The following NKAIN3 variants were observed in gnomAD, a reference collection of about 807,000 sequenced individuals.
NKAIN3 encodes sodium/potassium-transporting ATPase subunit beta-1-interacting protein 3.
Under a neutral mutation model 30.2 loss-of-function variants are expected in NKAIN3, and 25 were observed. The ratio of observed to expected loss-of-function variants is 0.83; its 90% CI spans 0.60 to 1.16. NKAIN3 has a LOEUF of 1.16. NKAIN3 is among the 50% of genes most tolerant of loss of function. NKAIN3 has a pLI of 0.00. For synonymous variants in NKAIN3, 91 were observed against 89.6 expected (o/e 1.02, Z -0.09); for missense variants, 225 against 254.1 (o/e 0.89, Z 0.78).
At chr8:62,751,832 G>GTGTGTT (rs1289460518) in intron 4 of NKAIN3, among the ~76,000 whole-genome samples, 1 of 151,900 alleles carries the variant, frequency 6.6e-6, no homozygotes, top group Non-Finnish European at 1.5e-5. Flanking sequence ...GTGTGTGTGT[G>GTGTGTT]TGTGTGTGTA....
At chr8:62,787,141 C>T (rs1189896967) in intron 4 of NKAIN3, among the ~76,000 whole-genome samples, 1 of 152,120 alleles carries the variant, frequency 6.6e-6, no homozygotes, top group Non-Finnish European at 1.5e-5. Context: ...TTCATTGTGG[C>T]TTGAGGGAAA....
intron 3 of NKAIN3, among the ~76,000 whole-genome samples, chr8:62,729,024 C>CAAAAAA (rs71501600): frequency 6.1e-5 from 1 of 16,450 alleles, no homozygotes; most frequent in African/African-American, 2.1e-4. Context: ...ACAAACAAAC[C>CAAAAAA]AAAAAAAAAA....
intron 1 of NKAIN3, among the ~76,000 whole-genome samples, chr8:62,532,252 C>A (rs759834478): frequency 1.2e-4 from 19 of 152,078 alleles, no homozygotes; most frequent in Non-Finnish European, 8.8e-5. Flanking sequence ...CAAGGACAGC[C>A]TCATGGTACC....
chr8:62,536,984 G>A (rs1425062631), intron 1 of NKAIN3, among the ~76,000 whole-genome samples: 1 of 152,074 alleles, frequency 6.6e-6, no homozygotes, highest in East Asian at 1.9e-4. Flanking sequence ...GAAACTCAGG[G>A]AGCAGGGACA....
chr8:62,296,800 A>G (rs1813845210), intron 1 of NKAIN3, among the ~76,000 whole-genome samples: 1 of 152,128 alleles, frequency 6.6e-6, no homozygotes, highest in Admixed American at 6.6e-5. Flanking sequence ...CCATGCAGCC[A>G]GTTTCTTCTT....
At chr8:62,800,396 G>A (rs1160752298) in intron 4 of NKAIN3, among the ~76,000 whole-genome samples, 1 of 152,106 alleles carries the variant, frequency 6.6e-6, no homozygotes, top group African/African-American at 2.4e-5. Flanking sequence ...TAAGACCAAA[G>A]ACCAAGTCTA....
chr8:62,984,063 T>G lies in NKAIN3; in HGVS notation c.*18656T>G, dbSNP rs1050581104. The G allele has an allele frequency of 1.3e-5, 2 of 152,078 alleles. No homozygotes were observed. Among genetic ancestry groups the G allele is most frequent in the African/African-American group, 4.8e-5 (2 of 41,406 alleles). The allele number at this position is 152,078 out of a possible 1,614,324, so 9.4% of individuals were successfully genotyped here. A position where few individuals can be genotyped will look rare whatever the true frequency, so the allele number is the denominator to read the frequency against. On this transcript the variant is annotated 3_prime_UTR_variant, in exon 7 of 7. Coordinates refer to ENST00000623646, the MANE Select transcript of NKAIN3 (RefSeq NM_001304533.3). ...AATTGCAGATTGACACATCTTTGGG[T>G]TTTTCATTATTGTTTCTAAAAACTA...
At position 62,397,730 on chromosome 8, in the gene NKAIN3, T is replaced by A. The variant is rs557571072; in HGVS notation, c.54+148603T>A. ...AGATGCTGGTTTACATTCACATCATTGCCCTGGAGTCGGCGCTACGGCATC... is the reference window on the plus strand; with the variant it reads ...AGATGCTGGTTTACATTCACATCATAGCCCTGGAGTCGGCGCTACGGCATC... On this transcript the variant is annotated intron_variant, in intron 1 of 6. Transcript: ENST00000623646. Among the ~76,000 whole-genome samples, 5 of 152,300 alleles carry A rather than the reference T, an allele frequency of 3.3e-5. No individual in the cohort carries two copies. The South Asian group carries it at 6.2e-4, about 19-fold the overall frequency.
chr8:62,698,689 A>AT, intron 3 of NKAIN3, among the ~76,000 whole-genome samples: 1 of 152,344 alleles, frequency 6.6e-6, no homozygotes, highest in Non-Finnish European at 1.5e-5. Context: ...GCTCGTGGCT[A>AT]TATCATGTCA....
At chr8:62,823,097 G>T (rs948983834) in intron 4 of NKAIN3, among the ~76,000 whole-genome samples, 1 of 152,136 alleles carries the variant, frequency 6.6e-6, no homozygotes, top group Admixed American at 6.5e-5. Flanking sequence ...GAGTCAGTGG[G>T]TGAGTGGTGA....
chr8:62,443,556 T>C, intron 1 of NKAIN3, among the ~76,000 whole-genome samples: 2 of 151,726 alleles, frequency 1.3e-5, no homozygotes, highest in Non-Finnish European at 2.9e-5. Flanking sequence ...GCTAATTTTA[T>C]ATTTTTAGTT....
intron 1 of NKAIN3, among the ~76,000 whole-genome samples, chr8:62,421,581 A>T (rs914079383): frequency 6.6e-6 from 1 of 151,538 alleles, no homozygotes; most frequent in Non-Finnish European, 1.5e-5. Flanking sequence ...ATGCTGCGGG[A>T]GGAGGATTTG....
chr8:62,792,376 T>A (rs1385127860), intron 4 of NKAIN3, among the ~76,000 whole-genome samples: 6 of 152,190 alleles, frequency 3.9e-5, no homozygotes, highest in Admixed American at 1.3e-4. Context: ...GATTACAGAA[T>A]AAATTAGCAG....
At chr8:62,628,764 G>C (rs1424513867) in intron 3 of NKAIN3, among the ~76,000 whole-genome samples, 3 of 152,072 alleles carry the variant, frequency 2.0e-5, no homozygotes, top group Non-Finnish European at 4.4e-5. Context: ...TCATGCATAA[G>C]TAATGGTTTT....
In NKAIN3 at chr8:62,369,746, T is replaced by TC. The variant is rs777126896; in HGVS notation, c.54+120625dup. On this transcript the variant is annotated intron_variant, in intron 1 of 6. Coordinates refer to ENST00000623646, the MANE Select transcript of NKAIN3 (RefSeq NM_001304533.3). The stretch of plus-strand genomic sequence containing the variant: ...TAACCATCAGGGGGATTATTTGAAC[T>TC]CCCCCCAAGTCTGTTGTTTTTTTTT... 3.3e-5 allele frequency among the ~76,000 whole-genome samples: 5 copies of TC among 151,540 alleles called. No individual in the cohort carries two copies. In the East Asian group the frequency reaches 7.8e-4, roughly 24 times the overall value.
At chr8:62,556,452 G>A (rs1809388277) in intron 1 of NKAIN3, among the ~76,000 whole-genome samples, 1 of 151,470 alleles carries the variant, frequency 6.6e-6, no homozygotes, top group Non-Finnish European at 1.5e-5. Flanking sequence ...ATTGAAACTA[G>A]GATAATAGAA....
At chr8:62,597,299 T>C (rs1471731432) in intron 3 of NKAIN3, among the ~76,000 whole-genome samples, 1 of 152,120 alleles carries the variant, frequency 6.6e-6, no homozygotes, top group East Asian at 1.9e-4. Context: ...GCTTCATGTG[T>C]CCATCTTACT....
intron 3 of NKAIN3, among the ~76,000 whole-genome samples, chr8:62,650,766 T>C (rs1036903913): frequency 1.3e-5 from 2 of 152,274 alleles, no homozygotes; most frequent in Non-Finnish European, 2.9e-5. Context: ...GCCATTGCTA[T>C]GCTATTCTCA....
intron 4 of NKAIN3, among the ~76,000 whole-genome samples, chr8:62,771,666 C>G (rs140680059): frequency 2.0e-5 from 3 of 152,078 alleles, no homozygotes; most frequent in African/African-American, 7.2e-5. Context: ...TCTATAGATT[C>G]AAGAAACTTG....
Sources: allele counts gnomAD v4.1 joint callset (sites outside exome capture counted in the v4.1 genomes callset), GRCh38; gene constraint gnomAD v4.1.1; transcripts MANE v1.5; gene names NCBI Gene and HGNC (gene_info 2026-07-23, HGNC 2026-07-21).